The following EPS8 variants were observed in gnomAD, a reference collection of about 807,000 sequenced individuals.
EPS8 encodes epidermal growth factor receptor kinase substrate 8.
EPS8 carries 42 observed loss-of-function variants against 103.8 expected under a neutral mutation model. The observed-to-expected ratio is 0.40, with a 90% CI of 0.32 to 0.52. The LOEUF is 0.52. Ranked by LOEUF, EPS8 falls within the 20% of genes least tolerant of loss-of-function variation. EPS8 has a pLI of 0.40. For missense variants in EPS8, 969 were observed against 1,005.1 expected (o/e 0.96, Z 0.49); for synonymous variants, 344 against 344.6 (o/e 1.00, Z 0.02).
chr12:15,634,281 T>G (rs746492893), intron 17 of EPS8, among the ~76,000 whole-genome samples: 1 of 152,216 alleles, frequency 6.6e-6, no homozygotes, highest in Non-Finnish European at 1.5e-5. Context: ...TCCTTACTCT[T>G]GCCTGTGATA....
chr12:15,749,035 T>C lies in EPS8; in HGVS notation c.-22+40126A>G, dbSNP rs1946903853. ...GATGCTAGAGAGAACTTAAGGCCCTTTTAACTATTTTTGTCAAGATCCATC... is the reference window on the plus strand; with the variant it reads ...GATGCTAGAGAGAACTTAAGGCCCTCTTAACTATTTTTGTCAAGATCCATC... On this transcript the variant is annotated intron_variant, in intron 1 of 20. Transcript: ENST00000281172. The surrounding 1 kb of genome is among the most constrained non-coding windows in gnomAD (Gnocchi z 4.0). Among the ~76,000 whole-genome samples the C allele has an allele frequency of 6.6e-6, 1 of 152,138 alleles. No individual in the cohort carries two copies. Among genetic ancestry groups the C allele is most frequent in the African/African-American group, 2.4e-5 (1 of 41,428 alleles).
rs1946637781 is a variant in EPS8, at chr12:15,725,040, C to T, written c.-21-42068G>A. 6.6e-6 allele frequency among the ~76,000 whole-genome samples: 1 copy of T among 151,922 alleles called. No individual in the cohort carries two copies. The highest frequency in any genetic ancestry group is 6.6e-5 in the Admixed American group (1 of 15,238). On this transcript the variant is annotated intron_variant, in intron 1 of 20. Coordinates refer to ENST00000281172, the MANE Select transcript of EPS8 (RefSeq NM_004447.6). This position sits in a 1 kb window ranked among gnomAD's most constrained non-coding sequence, Gnocchi z 4.5. ...GTCACAATGAAAAAAATTCAACATCCACAGATCACTCACTCCTAGGTATCT... is the reference window on the plus strand; with the variant it reads ...GTCACAATGAAAAAAATTCAACATCTACAGATCACTCACTCCTAGGTATCT...
At chr12:15,754,015 T>C (rs975590584) in intron 1 of EPS8, among the ~76,000 whole-genome samples, 1 of 152,198 alleles carries the variant, frequency 6.6e-6, no homozygotes, top group African/African-American at 2.4e-5. Flanking sequence ...CAGGCCACCA[T>C]CTGGCTTGGG....
chr12:15,649,386 C>T (rs1945374306), intron 14 of EPS8, among the ~76,000 whole-genome samples: 1 of 152,104 alleles, frequency 6.6e-6, no homozygotes, highest in Admixed American at 6.5e-5. Context: ...TAAAAATAGT[C>T]AGCTGTAACT....
At chr12:15,708,393 G>T (rs944901956) in intron 1 of EPS8, among the ~76,000 whole-genome samples, 4 of 152,172 alleles carry the variant, frequency 2.6e-5, no homozygotes, top group Non-Finnish European at 5.9e-5. Context: ...ATTGTTATTT[G>T]TGGGAAAGAA....
chr12:15,676,259 C>CAAA lies in EPS8; in HGVS notation c.136+4964_136+4966dup, dbSNP rs888576581. On this transcript the variant is annotated intron_variant, in intron 3 of 20. Coordinates refer to ENST00000281172, the MANE Select transcript of EPS8 (RefSeq NM_004447.6). ...TGGGCGACAGGGCAAGACTCCATCTCAAAAAAAAAAAAAAAAAAAAAAAAA... is the reference window on the plus strand; with the variant it reads ...TGGGCGACAGGGCAAGACTCCATCTCAAAAAAAAAAAAAAAAAAAAAAAAAAAA... 4.3e-4 allele frequency among the ~76,000 whole-genome samples: 7 copies of CAAA among 16,336 alleles called. 1 individual carries two copies. Among genetic ancestry groups the CAAA allele is most frequent in the East Asian group, 3.6e-3 (2 of 552 alleles). The allele number at this position is 16,336 out of a possible 152,430, so 10.7% of individuals were successfully genotyped here. A position where few individuals can be genotyped will look rare whatever the true frequency, so the allele number is the denominator to read the frequency against.
intron 1 of EPS8, among the ~76,000 whole-genome samples, chr12:15,691,986 C>T (rs1415657640): frequency 2.6e-5 from 4 of 152,068 alleles, no homozygotes; most frequent in Non-Finnish European, 5.9e-5. Context: ...TTTCTGCAGG[C>T]TTCTTTCCCA....
At chr12:15,631,714 G>T in intron 17 of EPS8, 50 bp from the exon 18 acceptor site, 1 of 1,428,814 alleles carries the variant, frequency 7.0e-7, no homozygotes, top group Non-Finnish European at 9.5e-7. Flanking sequence ...ATAAACCTAG[G>T]CTAGGAAAAC....
At chr12:15,661,570 T>C (rs1565485618) in intron 9 of EPS8, among the ~76,000 whole-genome samples, 1 of 152,192 alleles carries the variant, frequency 6.6e-6, no homozygotes, top group Non-Finnish European at 1.5e-5. Context: ...AAAACAAATG[T>C]AGCATTATCT....
At chr12:15,686,215 A>G (rs1010377500) in intron 1 of EPS8, among the ~76,000 whole-genome samples, 1 of 152,192 alleles carries the variant, frequency 6.6e-6, no homozygotes, top group Admixed American at 6.6e-5. Context: ...AATAGTGAAC[A>G]TATTTTCTCC....
chr12:15,750,658 C>A (rs1033074748), intron 1 of EPS8, among the ~76,000 whole-genome samples: 1 of 152,146 alleles, frequency 6.6e-6, no homozygotes, highest in Non-Finnish European at 1.5e-5. Flanking sequence ...CCAAAGTAGA[C>A]CAGTGAGAAT....
intron 18 of EPS8, among the ~76,000 whole-genome samples, chr12:15,626,951 T>C (rs1251778349): frequency 1.3e-5 from 2 of 152,100 alleles, no homozygotes. Flanking sequence ...ATCCACATAG[T>C]TTTATTAGTC....
chr12:15,665,967 A>G, intron 7 of EPS8, 75 bp from the exon 8 acceptor site: 2 of 1,451,684 alleles, frequency 1.4e-6, no homozygotes, highest in East Asian at 2.3e-5. Context: ...AACTTGTGGT[A>G]CTAGTTATTA....
At position 15,723,321 on chromosome 12, in the gene EPS8, A is replaced by G. The variant is rs545080580; in HGVS notation, c.-21-40349T>C. 1.1e-3 allele frequency among the ~76,000 whole-genome samples: 165 copies of G among 152,242 alleles called. 1 individual carries two copies. Among genetic ancestry groups the G allele is most frequent in the African/African-American group, 3.8e-3 (157 of 41,532 alleles). ...GTGAGACCCTGTCTCAAAAAAATAT[A>G]TATATATCTTTTTCAATCTGATAGA... is the stretch of plus-strand genomic sequence containing the variant. On this transcript the variant is annotated intron_variant, in intron 1 of 20. Transcript: ENST00000281172.
chr12:15,765,853 G>A lies in EPS8; in HGVS notation c.-22+23308C>T, dbSNP rs952992425. Among the ~76,000 whole-genome samples the A allele has an allele frequency of 9.0e-4, 127 of 141,134 alleles. 1 individual carries two copies. The highest frequency in any genetic ancestry group is 1.5e-4 in the Admixed American group (2 of 13,292). 92.6% of individuals were successfully genotyped at this position (141,134 alleles called of 152,430 possible). ...TTTTGAGACGGAGTCTTGCTCTGTC[G>A]CCCAGGCTGGAGTACAGTGGCGCAA... On this transcript the variant is annotated intron_variant, in intron 1 of 20. Transcript: ENST00000281172.
At chr12:15,719,484 G>A (rs1946571064) in intron 1 of EPS8, among the ~76,000 whole-genome samples, 4 of 152,292 alleles carry the variant, frequency 2.6e-5, no homozygotes, top group Admixed American at 2.0e-4. Flanking sequence ...CAGACAAGCC[G>A]TGTCAGTGAC....
At position 15,651,222 on chromosome 12, in the gene EPS8, T is replaced by C. The variant is rs149247538; in HGVS notation, c.1251-216A>G. On this transcript the variant is annotated intron_variant, in intron 13 of 20. Transcript: ENST00000281172. ...ACACCTTAATAAAATGAAAGAAAGA[T>C]TGAATTCTGTTGCATGATCTGTTTT... Among the ~76,000 whole-genome samples, 209 of 152,326 alleles carry C rather than the reference T, an allele frequency of 1.4e-3. 1 individual carries two copies. Among genetic ancestry groups the C allele is most frequent in the African/African-American group, 4.8e-3 (200 of 41,580 alleles).
chr12:15,679,335 G>A lies in EPS8; in HGVS notation c.136+1891C>T, dbSNP rs181069598. 2.3e-3 allele frequency among the ~76,000 whole-genome samples: 345 copies of A among 152,160 alleles called. 3 individuals are homozygous for A. The highest frequency in any genetic ancestry group is 5.2e-3 in the East Asian group (27 of 5,176). ...TATAATTCTTCCCAATGTGGTCTAC[G>A]TTCATTTTTTCAGTCTTATTTCCCA... is the stretch of plus-strand genomic sequence containing the variant. On this transcript the variant is annotated intron_variant, in intron 3 of 20. Transcript: ENST00000281172.
intron 1 of EPS8, among the ~76,000 whole-genome samples, chr12:15,720,272 T>C (rs190382143): frequency 5.3e-5 from 8 of 152,202 alleles, no homozygotes; most frequent in Non-Finnish European, 1.2e-4. Context: ...ATTCAAATAT[T>C]TCCCCCTTGC....
Sources: gnomAD v4.1 joint callset for allele counts (sites outside exome capture counted in the v4.1 genomes callset) on GRCh38, gnomAD v4.1.1 for gene constraint, Gnocchi (gnomAD v3.1) non-coding constraint, MANE v1.5 for transcripts, NCBI Gene and HGNC (gene_info 2026-07-23, HGNC 2026-07-21) for gene names.